The following ARHGAP17 variants were observed in gnomAD, a reference collection of about 807,000 sequenced individuals.
ARHGAP17 encodes Rho GTPase activating protein 17.
In ARHGAP17, 57 loss-of-function variants were observed where a neutral mutation model predicts 99.5. The ratio of observed to expected loss-of-function variants is 0.57; its 90% CI spans 0.46 to 0.71. The LOEUF (loss-of-function observed/expected upper bound fraction) is 0.71. Ranked by LOEUF, ARHGAP17 falls within the 30% of genes least tolerant of loss-of-function variation. ARHGAP17 has a pLI of 0.00. For synonymous variants in ARHGAP17, 417 were observed against 429.6 expected (o/e 0.97, Z 0.36); for missense variants, 1,000 against 1,122.4 (o/e 0.89, Z 1.56).
chr16:24,942,798 A>G (rs1456118079), intron 15 of ARHGAP17, among the ~76,000 whole-genome samples: 2 of 151,842 alleles, frequency 1.3e-5, no homozygotes, highest in Non-Finnish European at 2.9e-5. Context: ...AGATATTTAC[A>G]CTTTAATATA....
At chr16:24,930,726 GT>G (rs2050958090) in intron 19 of ARHGAP17, 57 bp downstream of exon 19, 1 of 1,613,990 alleles carries the variant, frequency 6.2e-7, no homozygotes, top group Non-Finnish European at 8.5e-7. Context: ...ATAAAATGTA[GT>G]AGTACAAAAG....
intron 1 of ARHGAP17, among the ~76,000 whole-genome samples, chr16:24,981,570 GAATA>G (rs1342794261): frequency 2.0e-5 from 3 of 152,156 alleles, no homozygotes; most frequent in Admixed American, 6.5e-5. Flanking sequence ...TTATGAATAT[GAATA>G]AATGTCACAA....
intron 19 of ARHGAP17, among the ~76,000 whole-genome samples, chr16:24,924,715 T>C (rs2050797478): frequency 6.6e-6 from 1 of 151,732 alleles, no homozygotes; most frequent in Non-Finnish European, 1.5e-5. Flanking sequence ...ATACAAAAAT[T>C]AGCCGAGCAC....
At chr16:24,962,523 G>C (rs2052042506) in intron 7 of ARHGAP17, among the ~76,000 whole-genome samples, 1 of 152,104 alleles carries the variant, frequency 6.6e-6, no homozygotes, top group Admixed American at 6.5e-5. Context: ...ACTGACATGT[G>C]GTCCCAGAAA....
rs771302588 is a variant in ARHGAP17 at position 24,961,968 on chromosome 16, G to GTT, written c.574-1991_574-1990dup. 1.7e-3 allele frequency among the ~76,000 whole-genome samples: 177 copies of GTT among 105,728 alleles called. 4 individuals are homozygous for GTT. The highest frequency in any genetic ancestry group is 6.6e-3 in the African/African-American group (160 of 24,076). The allele number at this position is 105,728 out of a possible 152,430, so 69.4% of individuals were successfully genotyped here. A position where few individuals can be genotyped will look rare whatever the true frequency, so the allele number is the denominator to read the frequency against. ...GCCGGAAAATATATATGTAGAGAGA[G>GTT]TTTGTTTTTTTTTTAATGTAATGAC... is the stretch of plus-strand genomic sequence containing the variant. On this transcript the variant is annotated intron_variant, in intron 7 of 19. Transcript: ENST00000289968.
Position 24,935,452 on chromosome 16 carries a change from A to C in ARHGAP17, c.1894+18T>G. ...TGCACAGGCTTCCCTGAGGGCAAGG[A>C]GGACGGTGGCTGCTTACCTCGGCGC... On this transcript the variant is annotated intron_variant, in intron 18 of 19. Coordinates refer to ENST00000289968, the MANE Select transcript of ARHGAP17 (RefSeq NM_001006634.3). 2 of 1,569,672 alleles carry C rather than the reference A, an allele frequency of 1.3e-6. No homozygotes were observed. The highest frequency in any genetic ancestry group is 1.7e-6 in the Non-Finnish European group (2 of 1,156,702).
intron 18 of ARHGAP17, among the ~76,000 whole-genome samples, chr16:24,933,692 T>C (rs893848107): frequency 1.3e-5 from 2 of 150,604 alleles, no homozygotes; most frequent in African/African-American, 4.9e-5. Context: ...AGCTCGTTCC[T>C]GAAATTTAAG....
At chr16:24,993,883 C>A (rs1567261186) in intron 1 of ARHGAP17, among the ~76,000 whole-genome samples, 1 of 152,194 alleles carries the variant, frequency 6.6e-6, no homozygotes, top group Non-Finnish European at 1.5e-5. Context: ...AACATTCTCA[C>A]AGGACTTTTA....
chr16:24,927,288 T>C (rs527544043), intron 19 of ARHGAP17, among the ~76,000 whole-genome samples: 1 of 152,298 alleles, frequency 6.6e-6, no homozygotes, highest in South Asian at 2.1e-4. Context: ...TTATTTCATC[T>C]TCAACAATTT....
chr16:24,932,738 G>A (rs2051029858), intron 18 of ARHGAP17, among the ~76,000 whole-genome samples: 1 of 152,122 alleles, frequency 6.6e-6, no homozygotes, highest in Non-Finnish European at 1.5e-5. Flanking sequence ...ATCAGGGATA[G>A]GAACCTGGGA....
At position 25,009,634 on chromosome 16, in the gene ARHGAP17, A is replaced by G. The variant is rs2053593404; in HGVS notation, c.53+5575T>C. ...CACATTGCTGGTAGTGGATCCAACTACCTAGTGAGTGGTCCATTCTACATA... is the reference window on the plus strand; with the variant it reads ...CACATTGCTGGTAGTGGATCCAACTGCCTAGTGAGTGGTCCATTCTACATA... On this transcript the variant is annotated intron_variant, in intron 1 of 19. Coordinates refer to ENST00000289968, the MANE Select transcript of ARHGAP17 (RefSeq NM_001006634.3). Among the ~76,000 whole-genome samples the G allele has an allele frequency of 2.0e-5, 3 of 152,256 alleles. No individual in the cohort carries two copies. In the South Asian group the frequency reaches 6.2e-4, roughly 32 times the overall value.
At chr16:24,964,394 T>A (rs2052109128) in intron 6 of ARHGAP17, 86 bp from the exon 7 acceptor site, 3 of 875,996 alleles carry the variant, frequency 3.4e-6, no homozygotes, top group Non-Finnish European at 5.4e-6. Flanking sequence ...GATAGATCCT[T>A]CCCCACAATT....
intron 2 of ARHGAP17, among the ~76,000 whole-genome samples, chr16:24,977,961 G>A (rs927776718): frequency 1.3e-5 from 2 of 152,130 alleles, no homozygotes; most frequent in African/African-American, 2.4e-5. Context: ...ATTCAAAACA[G>A]AATACATTTG....
Position 24,931,367 on chromosome 16 carries a change from G to A in ARHGAP17, c.1932C>T (p.Gly644=). 1 of 1,513,704 alleles carries A rather than the reference G, an allele frequency of 6.6e-7. No individual in the cohort carries two copies. The highest frequency in any genetic ancestry group is 8.8e-7 in the Non-Finnish European group (1 of 1,134,280). The allele number at this position is 1,513,704 out of a possible 1,614,324, so 93.8% of individuals were successfully genotyped here. The part of the protein sequence containing the change: ...KKPAPAPPKP[G]NPPPGHPGGQ... ...CCCCGGGGTGGCCAGGAGGTGGGTT[G>A]CCCGGTTTCGGGGGTGCTGGAGCGG... is the stretch of plus-strand genomic sequence containing the variant. The change falls in exon 19 of 20, where the codon GGC becomes GGT. Residue 644 remains glycine, a synonymous_variant. Transcript: ENST00000289968.
chr16:24,999,165 A>T lies in ARHGAP17; in HGVS notation c.53+16044T>A, dbSNP rs144155593. ...TTTCTTCAATGACTTCGAATTTTTTAAAGTGGTCTCACAGATTTCCTGGTC... is the reference window on the plus strand; with the variant it reads ...TTTCTTCAATGACTTCGAATTTTTTTAAGTGGTCTCACAGATTTCCTGGTC... On this transcript the variant is annotated intron_variant, in intron 1 of 19. Coordinates refer to ENST00000289968, the MANE Select transcript of ARHGAP17 (RefSeq NM_001006634.3). 8.0e-3 allele frequency among the ~76,000 whole-genome samples: 1,212 copies of T among 152,290 alleles called. 43 individuals carry two copies. Among genetic ancestry groups the T allele is most frequent in the Admixed American group, 0.066 (1,008 of 15,304 alleles).
At chr16:24,984,769 A>G (rs2052806449) in intron 1 of ARHGAP17, among the ~76,000 whole-genome samples, 1 of 152,218 alleles carries the variant, frequency 6.6e-6, no homozygotes, top group African/African-American at 2.4e-5. Flanking sequence ...CTAGGTTGAA[A>G]AGCAGCCATA....
At chr16:24,961,434 G>A (rs998745384) in intron 7 of ARHGAP17, among the ~76,000 whole-genome samples, 3 of 150,926 alleles carry the variant, frequency 2.0e-5, no homozygotes, top group African/African-American at 4.9e-5. Context: ...GGAGGCTGAG[G>A]TGGGAGGATT....
chr16:24,939,669 T>C (rs1407815455), intron 16 of ARHGAP17, 72 bp from the exon 17 acceptor site: 1 of 1,484,336 alleles, frequency 6.7e-7, no homozygotes. Context: ...TCGGTCCACA[T>C]GTGTTAAAAC....
chr16:25,008,702 C>T (rs1352480381), intron 1 of ARHGAP17, among the ~76,000 whole-genome samples: 2 of 152,194 alleles, frequency 1.3e-5, no homozygotes, highest in African/African-American at 2.4e-5. Flanking sequence ...GTCCACTCTG[C>T]TACAAAGGCA....
Sources: gnomAD v4.1 joint callset for allele counts (sites outside exome capture counted in the v4.1 genomes callset) on GRCh38, gnomAD v4.1.1 for gene constraint, MANE v1.5 for transcripts, NCBI Gene and HGNC (gene_info 2026-07-23, HGNC 2026-07-21) for gene names.